The following ZNF385D variants were observed in gnomAD, a reference collection of about 807,000 sequenced individuals.
The protein encoded by ZNF385D is zinc finger protein 385D, also known as zinc finger protein 659.
Under a neutral mutation model 35.8 loss-of-function variants are expected in ZNF385D, and 15 were observed. The ratio of observed to expected loss-of-function variants is 0.42; its 90% confidence interval spans 0.28 to 0.64. The LOEUF (loss-of-function observed/expected upper bound fraction) is 0.64. Ranked by LOEUF, ZNF385D falls within the 30% of genes least tolerant of loss-of-function variation. The probability of loss-of-function intolerance (pLI) is 0.23; values close to 1 mark genes in which losing one functional copy is unlikely to be tolerated. For synonymous variants in ZNF385D, 212 were observed against 186.8 expected, an observed-to-expected ratio of 1.13 and a Z score of -1.10; for missense variants, 474 against 494.6, an observed-to-expected ratio of 0.96 and a Z score of 0.39.
intron 5 of ZNF385D, 82 bp from the exon 6 acceptor site, chr3:21,425,752 A>G: frequency 7.5e-7 from 1 of 1,333,658 alleles, no homozygotes; most frequent in Non-Finnish European, 1.0e-6. Flanking sequence ...GGAGGAAAAA[A>G]ATCTTAGCTA....
intron 3 of ZNF385D, among the ~76,000 whole-genome samples, chr3:21,525,753 T>C (rs114376955): frequency 0.013 from 1,940 of 151,234 alleles, 40 homozygotes; most frequent in African/African-American, 0.045. Context: ...TTTTAGACCA[T>C]CTGATTTTCT....
chr3:21,448,705 A>G (rs115134405), intron 4 of ZNF385D, among the ~76,000 whole-genome samples: 2,049 of 152,308 alleles, frequency 0.013, 40 homozygotes, highest in African/African-American at 0.047. Flanking sequence ...CAGCAAAGCT[A>G]ACAGACCTGT....
intron 3 of ZNF385D, among the ~76,000 whole-genome samples, chr3:21,786,570 ATC>A (rs2071697887): frequency 6.6e-6 from 1 of 152,182 alleles, no homozygotes; most frequent in Non-Finnish European, 1.5e-5. Flanking sequence ...CTTTGAATCA[ATC>A]TATGCTAGGC....
chr3:21,823,185 AAAGAC>A, intron 3 of ZNF385D, among the ~76,000 whole-genome samples: 1 of 152,170 alleles, frequency 6.6e-6, no homozygotes, highest in African/African-American at 2.4e-5. Flanking sequence ...AAAAACTTTA[AAAGAC>A]TGTGTAATTA....
At chr3:21,733,743 C>G (rs1241778789) in intron 1 of ZNF385D, among the ~76,000 whole-genome samples, 1 of 152,038 alleles carries the variant, frequency 6.6e-6, no homozygotes, top group African/African-American at 2.4e-5. Context: ...AATCTTTGTT[C>G]AATCTGCAAT....
intron 2 of ZNF385D, among the ~76,000 whole-genome samples, chr3:22,261,605 C>G (rs762719814): frequency 6.6e-6 from 1 of 151,930 alleles, no homozygotes; most frequent in Non-Finnish European, 1.5e-5. Context: ...CTTCCAAAGC[C>G]TCTTCCTCTG....
At chr3:21,595,752 C>A (rs1012123603) in intron 2 of ZNF385D, among the ~76,000 whole-genome samples, 1 of 152,070 alleles carries the variant, frequency 6.6e-6, no homozygotes, top group African/African-American at 2.4e-5. Context: ...GATTTTTGAA[C>A]AGCAGAAATA....
intron 2 of ZNF385D, among the ~76,000 whole-genome samples, chr3:22,190,208 C>A (rs1329633818): frequency 6.6e-6 from 1 of 152,054 alleles, no homozygotes; most frequent in Non-Finnish European, 1.5e-5. Context: ...CAAATACAGT[C>A]AAAGTTGAAA....
chr3:21,967,685 C>T (rs1379076657), intron 3 of ZNF385D, among the ~76,000 whole-genome samples: 2 of 152,196 alleles, frequency 1.3e-5, no homozygotes, highest in African/African-American at 2.4e-5. Flanking sequence ...GAAGACCTTT[C>T]AGTGTTTGCA....
intron 2 of ZNF385D, among the ~76,000 whole-genome samples, chr3:21,624,104 T>A (rs565892790): frequency 1.3e-5 from 2 of 152,110 alleles, no homozygotes; most frequent in Admixed American, 1.3e-4. Context: ...CAGCTTCTTA[T>A]TCCCATTTCA....
intron 2 of ZNF385D, among the ~76,000 whole-genome samples, chr3:22,189,368 A>T (rs1695863997): frequency 6.6e-6 from 1 of 152,184 alleles, no homozygotes; most frequent in Admixed American, 6.6e-5. Context: ...CAGACAAGGA[A>T]ACCAAACTAA....
At chr3:21,718,388 C>A (rs1013684733) in intron 1 of ZNF385D, among the ~76,000 whole-genome samples, 13 of 152,202 alleles carry the variant, frequency 8.5e-5, no homozygotes, top group Admixed American at 2.6e-4. Context: ...AGACTAAGTT[C>A]TGGGAACCAC....
At chr3:21,422,555 G>A (rs973098907) in intron 7 of ZNF385D, among the ~76,000 whole-genome samples, 10 of 151,990 alleles carry the variant, frequency 6.6e-5, no homozygotes, top group African/African-American at 2.2e-4. Flanking sequence ...AAAACTTCAG[G>A]CCAATATCCT....
At chr3:22,173,449 C>G (rs540557384) in intron 2 of ZNF385D, among the ~76,000 whole-genome samples, 2 of 152,238 alleles carry the variant, frequency 1.3e-5, no homozygotes, top group East Asian at 3.9e-4. Context: ...TTCTGCAACT[C>G]TAAGACAATT....
At chr3:21,493,825 G>T (rs898761656) in intron 4 of ZNF385D, among the ~76,000 whole-genome samples, 2 of 152,054 alleles carry the variant, frequency 1.3e-5, no homozygotes, top group African/African-American at 2.4e-5. Flanking sequence ...AAGAATTAAA[G>T]CACTTTTCCA....
intron 2 of ZNF385D, among the ~76,000 whole-genome samples, chr3:21,586,212 GA>G: frequency 6.6e-6 from 1 of 151,628 alleles, no homozygotes; most frequent in Admixed American, 6.6e-5. Flanking sequence ...TCCCTAAGGG[GA>G]AAAAAAAGAA....
chr3:22,077,847 T>C (rs1700543497), intron 3 of ZNF385D, among the ~76,000 whole-genome samples: 1 of 151,910 alleles, frequency 6.6e-6, no homozygotes, highest in Non-Finnish European at 1.5e-5. Context: ...TAGGTTACTA[T>C]TTATTCATTT....
At chr3:21,642,794 C>T (rs1351834548) in intron 2 of ZNF385D, among the ~76,000 whole-genome samples, 1 of 151,992 alleles carries the variant, frequency 6.6e-6, no homozygotes, top group African/African-American at 2.4e-5. Context: ...TGACACAGGC[C>T]ACAAAATGGG....
intron 3 of ZNF385D, among the ~76,000 whole-genome samples, chr3:21,999,927 T>A (rs1224611180): frequency 2.6e-5 from 4 of 152,048 alleles, no homozygotes; most frequent in Admixed American, 2.6e-4. Flanking sequence ...TAAAAAATAA[T>A]AGCTAACAAG....
Sources: allele counts gnomAD v4.1 joint callset (sites outside exome capture counted in the v4.1 genomes callset), GRCh38; gene constraint gnomAD v4.1.1; transcripts MANE v1.5; gene names NCBI Gene and HGNC (gene_info 2026-07-23, HGNC 2026-07-21).